PDE4D: variants seen among roughly 807,000 people sequenced by gnomAD.
PDE4D encodes 3',5'-cyclic-AMP phosphodiesterase 4D.
PDE4D carries 24 observed loss-of-function variants against 87.4 expected under a neutral mutation model. The ratio of observed to expected loss-of-function variants is 0.27; its 90% CI spans 0.20 to 0.39. The LOEUF (loss-of-function observed/expected upper bound fraction) is 0.39, where lower values mean the gene tolerates loss of function less well. Ranked by LOEUF, PDE4D falls within the 10% of genes least tolerant of loss-of-function variation. The probability of loss-of-function intolerance (pLI) is 1.00; values close to 1 mark genes in which losing one functional copy is unlikely to be tolerated. For missense variants in PDE4D, 714 were observed against 1,041.0 expected (o/e 0.69, Z 4.32); for synonymous variants, 384 against 383.2 (o/e 1.00, Z -0.02).
chr5:59,861,596 G>T (rs1025403546), intron 1 of PDE4D, among the ~76,000 whole-genome samples: 1 of 152,126 alleles, frequency 6.6e-6, no homozygotes, highest in African/African-American at 2.4e-5. Context: ...GAGGAGTAGC[G>T]CTCTACTTTT....
chr5:59,246,485 C>T (rs542390052), intron 1 of PDE4D, among the ~76,000 whole-genome samples: 1 of 152,216 alleles, frequency 6.6e-6, no homozygotes, highest in South Asian at 2.1e-4. Context: ...ATGTATTAGG[C>T]CTTCCGTCTC....
At chr5:59,101,699 T>C (rs1357115222) in intron 5 of PDE4D, among the ~76,000 whole-genome samples, 3 of 149,914 alleles carry the variant, frequency 2.0e-5, no homozygotes, top group African/African-American at 7.4e-5. Flanking sequence ...ACAGTGAGTC[T>C]AATAATCAAC....
At chr5:59,571,366 T>G (rs1365084901) in intron 1 of PDE4D, among the ~76,000 whole-genome samples, 2 of 152,186 alleles carry the variant, frequency 1.3e-5, no homozygotes, top group East Asian at 1.9e-4. Flanking sequence ...ATCTTTTGCT[T>G]GTCTTGATTG....
At chr5:59,279,415 C>T (rs932312012) in intron 1 of PDE4D, among the ~76,000 whole-genome samples, 1 of 151,962 alleles carries the variant, frequency 6.6e-6, no homozygotes, top group Non-Finnish European at 1.5e-5. Context: ...CTAGAGGTTT[C>T]TTTTATTTTA....
At chr5:59,521,330 G>A (rs576261613) in intron 1 of PDE4D, among the ~76,000 whole-genome samples, 1 of 152,292 alleles carries the variant, frequency 6.6e-6, no homozygotes, top group South Asian at 2.1e-4. Flanking sequence ...AAGCAGTCAG[G>A]TCAGAGTAAA....
intron 1 of PDE4D, among the ~76,000 whole-genome samples, chr5:60,223,453 C>A (rs1320283680): frequency 6.6e-6 from 1 of 152,028 alleles, no homozygotes; most frequent in South Asian, 2.1e-4. Context: ...TTCTAAGCAC[C>A]AAAGAGCTGT....
At chr5:60,353,783 G>A (rs1038555101) in intron 1 of PDE4D, among the ~76,000 whole-genome samples, 11 of 152,128 alleles carry the variant, frequency 7.2e-5, no homozygotes, top group South Asian at 2.1e-4. Context: ...ATAAGTATGT[G>A]CCAAATACTT....
chr5:59,524,344 T>C (rs1397434877), intron 1 of PDE4D, among the ~76,000 whole-genome samples: 1 of 152,094 alleles, frequency 6.6e-6, no homozygotes, highest in Non-Finnish European at 1.5e-5. Flanking sequence ...TGGTCTGAGA[T>C]GGAGATGAGG....
chr5:60,332,785 G>A (rs1757417126), intron 1 of PDE4D, among the ~76,000 whole-genome samples: 1 of 151,766 alleles, frequency 6.6e-6, no homozygotes, highest in South Asian at 2.1e-4. Context: ...ATATGGCTAT[G>A]AGTCATTTTA....
chr5:60,276,496 G>A (rs754212576), intron 1 of PDE4D, among the ~76,000 whole-genome samples: 5 of 151,562 alleles, frequency 3.3e-5, no homozygotes, highest in Admixed American at 6.6e-5. Context: ...AAGTAGCAGA[G>A]TCTCAGCCAA....
chr5:60,325,470 T>C lies in PDE4D; in HGVS notation c.-89-139783A>G, dbSNP rs181698696. On this transcript the variant is annotated intron_variant, in intron 1 of 16. Coordinates refer to the PDE4D transcript ENST00000502484. ...CTTTGATGATTGATATTGTCCTTAA[T>C]GGAAAGCAGAGGCAGTGGCCTTCCT... Among the ~76,000 whole-genome samples the C allele has an allele frequency of 1.8e-3, 269 of 152,282 alleles. 1 individual carries two copies. Among genetic ancestry groups the C allele is most frequent in the Non-Finnish European group, 2.4e-3 (165 of 68,014 alleles).
chr5:60,270,535 T>G (rs1052909996), intron 1 of PDE4D, among the ~76,000 whole-genome samples: 1 of 152,230 alleles, frequency 6.6e-6, no homozygotes, highest in African/African-American at 2.4e-5. Context: ...TTTTGCTTTT[T>G]ATTTCTATAG....
intron 1 of PDE4D, among the ~76,000 whole-genome samples, chr5:59,238,170 A>G (rs1210502324): frequency 6.6e-6 from 1 of 152,152 alleles, no homozygotes; most frequent in Non-Finnish European, 1.5e-5. Flanking sequence ...AACATGGAGA[A>G]CATGCCATTT....
intron 1 of PDE4D, among the ~76,000 whole-genome samples, chr5:59,619,231 G>A (rs982380894): frequency 2.6e-4 from 40 of 152,128 alleles, no homozygotes; most frequent in African/African-American, 9.2e-4. Flanking sequence ...GAGGAGAAAA[G>A]GGGGAGGTGG....
chr5:59,385,308 A>G (rs1031761430), intron 1 of PDE4D, among the ~76,000 whole-genome samples: 9 of 152,154 alleles, frequency 5.9e-5, no homozygotes, highest in African/African-American at 1.9e-4. Context: ...AATGAAGTGA[A>G]TAGTATTAAT....
chr5:59,844,936 G>A (rs1278602008), intron 1 of PDE4D, among the ~76,000 whole-genome samples: 1 of 152,038 alleles, frequency 6.6e-6, no homozygotes, highest in Non-Finnish European at 1.5e-5. Context: ...TCTCTTGCTG[G>A]TCTTGAAGTA....
At chr5:59,383,721 T>C (rs894514955) in intron 1 of PDE4D, among the ~76,000 whole-genome samples, 3 of 152,086 alleles carry the variant, frequency 2.0e-5, no homozygotes, top group Admixed American at 1.3e-4. Context: ...AAAAACCAAA[T>C]ATAAAAATAT....
At chr5:59,042,151 C>G (rs1453603531) in intron 5 of PDE4D, among the ~76,000 whole-genome samples, 1 of 152,160 alleles carries the variant, frequency 6.6e-6, no homozygotes. Flanking sequence ...GAAACTGTTG[C>G]TCAAATAAAG....
chr5:60,264,125 G>A (rs113848727), intron 1 of PDE4D, among the ~76,000 whole-genome samples: 2,185 of 152,230 alleles, frequency 0.014, 19 homozygotes, highest in African/African-American at 0.03. Context: ...GACTTAGATT[G>A]GAGGAATGGG....
Sources: gnomAD v4.1 joint callset for allele counts (sites outside exome capture counted in the v4.1 genomes callset) on GRCh38, gnomAD v4.1.1 for gene constraint, MANE v1.5 for transcripts, NCBI Gene and HGNC (gene_info 2026-07-23, HGNC 2026-07-21) for gene names.